Variants in IQGAP2 observed in about 807,000 individuals in gnomAD.
IQGAP2 encodes the protein IQ motif containing GTPase activating protein 2, also known as ras GTPase-activating-like protein IQGAP2.
In IQGAP2, 173 loss-of-function variants were observed where a neutral mutation model predicts 201.3. The observed-to-expected ratio is 0.86, with a 90% confidence interval of 0.76 to 0.98. IQGAP2 has a LOEUF of 0.98. IQGAP2 is among the 50% of genes least tolerant of loss of function. IQGAP2 has a pLI of 0.00. For missense variants in IQGAP2, 1,687 were observed against 1,864.8 expected, an observed-to-expected ratio of 0.90 and a Z score of 1.76; for synonymous variants, 675 against 673.9, an observed-to-expected ratio of 1.00 and a Z score of -0.03.
intron 1 of IQGAP2, among the ~76,000 whole-genome samples, chr5:76,443,506 G>A (rs4130148): frequency 0.72 from 108,222 of 150,828 alleles, 42,848 homozygotes; most frequent in Non-Finnish European, 0.89. Context: ...AATGTGAGAG[G>A]ACAGAATGGT....
rs538270711 is a variant in IQGAP2 at position 76,654,971 on chromosome 5, C to T, written c.2288C>T (p.Ala763Val). 4.2e-5 allele frequency: 68 copies of T among 1,612,386 alleles called. No homozygotes were observed. Among genetic ancestry groups the T allele is most frequent in the Middle Eastern group, 1.7e-4 (1 of 6,052 alleles). The change falls in exon 20 of 36, where the codon GCG becomes GTG. Residue 763 changes from alanine (A) to valine (V), a missense_variant. By Grantham distance (64) the Ala-to-Val change is moderately conservative (BLOSUM62 0). Coordinates refer to ENST00000274364, the MANE Select transcript of IQGAP2 (RefSeq NM_006633.5). ...EIVKIQSLLR[A>V]NKARDDYKTL... is the part of the protein sequence containing the mutation. ...GTGAAAATACAGTCACTGTTGAGAG[C>T]GAACAAAGCTAGAGATGACTACAAA... is the stretch of plus-strand genomic sequence containing the variant.
At chr5:76,697,847 A>G (rs1398906178) in intron 32 of IQGAP2, 140 bp from the exon 33 acceptor site, 1 of 594,690 alleles carries the variant, frequency 1.7e-6, no homozygotes, top group Non-Finnish European at 2.9e-6. Flanking sequence ...TGTTGAGAGT[A>G]AAATAAGGTG....
intron 13 of IQGAP2, among the ~76,000 whole-genome samples, chr5:76,613,624 A>G (rs1748602675): frequency 6.6e-6 from 1 of 152,194 alleles, no homozygotes; most frequent in Non-Finnish European, 1.5e-5. Context: ...AAGGGCTTAA[A>G]TAATGTAGCT....
intron 2 of IQGAP2, among the ~76,000 whole-genome samples, chr5:76,523,716 CT>C (rs2150198032): frequency 6.6e-6 from 1 of 152,210 alleles, no homozygotes; most frequent in African/African-American, 2.4e-5. Flanking sequence ...TTTTAAAGTG[CT>C]TTGAAGAGAA....
In IQGAP2 at chr5:76,673,601, T is replaced by A. The variant is rs767749916; in HGVS notation, c.3209+12T>A. 2.2e-5 allele frequency: 36 copies of A among 1,612,644 alleles called. No homozygotes were observed. The highest frequency in any genetic ancestry group is 2.9e-5 in the Non-Finnish European group (34 of 1,179,336). On this transcript the variant is annotated intron_variant, in intron 25 of 35. Transcript: ENST00000274364. The stretch of plus-strand genomic sequence containing the variant: ...CTTGATCTACTGCCGTAAGTTGTAC[T>A]TGCAGCAAGTTTAACATTCTTTCCT...
intron 13 of IQGAP2, chr5:76,617,741 A>T (rs767241276): frequency 6.2e-7 from 1 of 1,613,844 alleles, no homozygotes; most frequent in South Asian, 1.1e-5. Flanking sequence ...CATGGTGAAT[A>T]ATAAGAATAA....
chr5:76,635,803 TG>T (rs1405300395), intron 15 of IQGAP2, among the ~76,000 whole-genome samples: 1 of 149,662 alleles, frequency 6.7e-6, no homozygotes, highest in African/African-American at 2.5e-5. Flanking sequence ...TTCTCCAGCC[TG>T]GGTGACAGAG....
At chr5:76,654,437 A>G (rs573738341) in intron 19 of IQGAP2, among the ~76,000 whole-genome samples, 166 bp downstream of exon 19, 86 of 152,330 alleles carry the variant, frequency 5.6e-4, no homozygotes, top group African/African-American at 2.0e-3. Context: ...TACTGTTTTC[A>G]TTCAGAAATC....
chr5:76,405,800 T>C (rs1750764699), intron 1 of IQGAP2, among the ~76,000 whole-genome samples: 1 of 152,204 alleles, frequency 6.6e-6, no homozygotes, highest in Admixed American at 6.5e-5. Context: ...TAACACAGGA[T>C]TGTCCTTGCT....
Position 76,685,464 on chromosome 5 carries a change from T to C in IQGAP2, c.3905+1547T>C, listed in dbSNP as rs576421834. On this transcript the variant is annotated intron_variant, in intron 30 of 35. Coordinates refer to ENST00000274364, the MANE Select transcript of IQGAP2 (RefSeq NM_006633.5). ...CCAATGTCTGCATGATATCTGAGAA[T>C]CACCATTTGAGTAGTTCAAAGTATC... Among the ~76,000 whole-genome samples the C allele has an allele frequency of 4.6e-5, 7 of 152,348 alleles. 1 individual carries two copies. In the East Asian group the frequency reaches 1.2e-3, roughly 25 times the overall value.
intron 2 of IQGAP2, among the ~76,000 whole-genome samples, chr5:76,556,601 G>T (rs12513594): frequency 6.6e-6 from 1 of 152,088 alleles, no homozygotes. Flanking sequence ...TAGTCAGCCC[G>T]CATGATGACT....
At chr5:76,616,346 G>A (rs543659800) in intron 13 of IQGAP2, 1 of 152,660 alleles carries the variant, frequency 6.6e-6, no homozygotes, top group East Asian at 1.9e-4. Flanking sequence ...CAAGAGGTTT[G>A]GTTGGTGCCT....
At position 76,631,921 on chromosome 5, in the gene IQGAP2, T is replaced by C. The variant is rs748713118; in HGVS notation, c.1675T>C (p.Ser559Pro). 1 of 1,610,604 alleles carries C rather than the reference T, an allele frequency of 6.2e-7. No individual in the cohort carries two copies. Among genetic ancestry groups the C allele is most frequent in the Admixed American group, 1.7e-5 (1 of 59,700 alleles). ...AGGAAAAAAATCAAGTGATATTTTG[T>C]CTGTATTGAAGTCTTCCACTTCTAA... The part of the protein sequence containing the change: ...LEGKKSSDIL[S>P]VLKSSTSNAN... The change falls in exon 15 of 36, where the codon TCT (serine) becomes CCT (proline). Residue 559 changes from serine (S) to proline (P), a missense_variant. Ser to Pro is a moderately conservative substitution (Grantham distance 74). Coordinates refer to ENST00000274364, the MANE Select transcript of IQGAP2 (RefSeq NM_006633.5).
intron 1 of IQGAP2, among the ~76,000 whole-genome samples, chr5:76,409,896 G>C (rs1454071563): frequency 6.6e-6 from 1 of 152,200 alleles, no homozygotes; most frequent in Non-Finnish European, 1.5e-5. Context: ...ATAGATGTGG[G>C]TTTGAATTCT....
chr5:76,520,700 CTTTTTTTTT>C (rs5868829), intron 2 of IQGAP2, among the ~76,000 whole-genome samples: 1 of 109,238 alleles, frequency 9.2e-6, no homozygotes, highest in African/African-American at 3.6e-5. Context: ...GGTCTCTCCT[CTTTTTTTTT>C]TTTTTTTTTT....
chr5:76,548,920 GTGGATT>G (rs1461416859), intron 2 of IQGAP2, among the ~76,000 whole-genome samples: 1 of 152,178 alleles, frequency 6.6e-6, no homozygotes, highest in Admixed American at 6.5e-5. Flanking sequence ...AGCAGGAGGA[GTGGATT>G]TGTTCAGGGG....
chr5:76,631,227 C>G (rs1452207035), intron 14 of IQGAP2, among the ~76,000 whole-genome samples: 4 of 152,146 alleles, frequency 2.6e-5, no homozygotes, highest in Non-Finnish European at 5.9e-5. Context: ...ACTAAGTTAA[C>G]TTTCCTTAGG....
chr5:76,620,373 T>G (rs910847062), intron 13 of IQGAP2, among the ~76,000 whole-genome samples: 8 of 151,994 alleles, frequency 5.3e-5, no homozygotes, highest in African/African-American at 1.7e-4. Context: ...TTGGTTCTGA[T>G]TGGCTTTGGG....
chr5:76,705,057 G>A lies in IQGAP2; in HGVS notation c.4615-2143G>A, dbSNP rs539957280. Among the ~76,000 whole-genome samples the A allele has an allele frequency of 4.6e-5, 7 of 152,224 alleles. No individual in the cohort carries two copies. In the South Asian group the frequency reaches 1.0e-3, roughly 23 times the overall value. On this transcript the variant is annotated intron_variant, in intron 35 of 35. Coordinates refer to ENST00000274364, the MANE Select transcript of IQGAP2 (RefSeq NM_006633.5). ...GACTTATGTGATATATATTCTTCTT[G>A]TAAAAATAATGTCAGGTATTTATCG...
Sources: allele counts gnomAD v4.1 joint callset (sites outside exome capture counted in the v4.1 genomes callset), GRCh38; gene constraint gnomAD v4.1.1; transcripts MANE v1.5; gene names NCBI Gene and HGNC (gene_info 2026-07-23, HGNC 2026-07-21).